TTLL11: variants seen among roughly 807,000 people sequenced by gnomAD.
TTLL11 encodes the protein tubulin polyglutamylase TTLL11.
A neutral mutation model predicts 51.7 loss-of-function variants in TTLL11; 42 were observed. The observed-to-expected ratio is 0.81, with a 90% CI of 0.64 to 1.05. TTLL11 has a LOEUF of 1.05. TTLL11 is among the 50% of genes least tolerant of loss of function. The pLI is 0.00. For synonymous variants in TTLL11, 381 were observed against 383.5 expected, an observed-to-expected ratio of 0.99 and a Z score of 0.08; for missense variants, 799 against 940.4, an observed-to-expected ratio of 0.85 and a Z score of 1.97.
intron 6 of TTLL11, among the ~76,000 whole-genome samples, chr9:121,947,424 G>A (rs1339237600): frequency 1.3e-5 from 2 of 152,184 alleles, no homozygotes; most frequent in African/African-American, 4.8e-5. Context: ...ACTCCAAATA[G>A]TTAAAATTGA....
At chr9:122,048,506 C>G (rs1159804951) in intron 1 of TTLL11, among the ~76,000 whole-genome samples, 1 of 152,102 alleles carries the variant, frequency 6.6e-6, no homozygotes, top group East Asian at 1.9e-4. Flanking sequence ...CCATATTGCT[C>G]CTTTGCTACA....
intron 6 of TTLL11, among the ~76,000 whole-genome samples, chr9:121,910,150 G>A (rs1222743305): frequency 6.6e-6 from 1 of 152,194 alleles, no homozygotes; most frequent in Non-Finnish European, 1.5e-5. Context: ...ACCAGAGCTA[G>A]AGCTGTGGTC....
At chr9:122,002,208 TG>T (rs1427425796) in intron 3 of TTLL11, among the ~76,000 whole-genome samples, 1 of 152,232 alleles carries the variant, frequency 6.6e-6, no homozygotes, top group African/African-American at 2.4e-5. Context: ...TCACTTCACC[TG>T]GGTGTTCATT....
At chr9:121,849,915 A>G (rs1837619560) in intron 8 of TTLL11, among the ~76,000 whole-genome samples, 1 of 152,230 alleles carries the variant, frequency 6.6e-6, no homozygotes, top group Non-Finnish European at 1.5e-5. Flanking sequence ...TTCCTTATAT[A>G]AAATGGTGTA....
intron 8 of TTLL11, among the ~76,000 whole-genome samples, chr9:121,826,322 ATATATGGGTT>A (rs1390991862): frequency 7.1e-5 from 5 of 70,440 alleles, no homozygotes; most frequent in East Asian, 8.0e-4. Context: ...GTTTATATAT[ATATATGGGTT>A]TATATATATG....
chr9:121,966,517 G>C (rs1842403306), intron 6 of TTLL11, among the ~76,000 whole-genome samples: 1 of 152,250 alleles, frequency 6.6e-6, no homozygotes, highest in Non-Finnish European at 1.5e-5. Context: ...CAAGCATCTT[G>C]CTTTAAAAAT....
chr9:122,093,197 C>T lies in TTLL11; in HGVS notation c.-49G>A, dbSNP rs1393187583. 1.3e-6 allele frequency: 2 copies of T among 1,488,340 alleles called. No individual in the cohort carries two copies. Among genetic ancestry groups the T allele is most frequent in the Admixed American group, 2.3e-5 (1 of 43,934 alleles). 92.2% of individuals were successfully genotyped at this position (1,488,340 alleles called of 1,614,324 possible). On this transcript the variant is annotated 5_prime_UTR_variant, in exon 1 of 9. Coordinates refer to ENST00000321582, the MANE Select transcript of TTLL11 (RefSeq NM_001139442.2). The stretch of plus-strand genomic sequence containing the variant: ...CCAGTGCCACCGCCGCCGCCGCCGC[C>T]GCTCCGCCGCCCCAGTCCGCCACCA...
chr9:121,856,571 A>G (rs1837826025), intron 8 of TTLL11, among the ~76,000 whole-genome samples: 1 of 104,308 alleles, frequency 9.6e-6, no homozygotes, highest in Non-Finnish European at 2.3e-5. Flanking sequence ...AGAGGCTAGG[A>G]TCTGTACCTA....
chr9:122,006,453 G>A (rs181112463), intron 3 of TTLL11, among the ~76,000 whole-genome samples: 30 of 150,854 alleles, frequency 2.0e-4, no homozygotes, highest in African/African-American at 6.6e-4. Flanking sequence ...ATGATATTGC[G>A]GACCATGGTA....
intron 6 of TTLL11, among the ~76,000 whole-genome samples, chr9:121,902,678 A>G (rs1280230977): frequency 6.6e-6 from 1 of 151,988 alleles, no homozygotes; most frequent in African/African-American, 2.4e-5. Context: ...TGAGTAAGTC[A>G]TCAGCAAGCC....
intron 6 of TTLL11, among the ~76,000 whole-genome samples, chr9:121,873,714 A>G (rs555284921): frequency 6.3e-4 from 96 of 151,790 alleles, no homozygotes; most frequent in Non-Finnish European, 1.3e-3. Flanking sequence ...GCTGGAGTGC[A>G]GTGGTACAAC....
At chr9:122,052,316 G>C (rs1845183380) in intron 1 of TTLL11, among the ~76,000 whole-genome samples, 1 of 152,236 alleles carries the variant, frequency 6.6e-6, no homozygotes, top group South Asian at 2.1e-4. Flanking sequence ...GGAAAATGGA[G>C]CTGGTGAGAA....
At chr9:122,062,348 A>G (rs1390264935) in intron 1 of TTLL11, among the ~76,000 whole-genome samples, 1 of 151,330 alleles carries the variant, frequency 6.6e-6, no homozygotes, top group African/African-American at 2.4e-5. Context: ...CTTCTATTTG[A>G]TCTGATAGAT....
At position 122,039,382 on chromosome 9, in the gene TTLL11, A is replaced by G. The variant is rs374555402; in HGVS notation, c.463-14T>C. The G allele has an allele frequency of 1.9e-4, 312 of 1,605,950 alleles. 1 individual carries two copies. Among genetic ancestry groups the G allele is most frequent in the Non-Finnish European group, 2.6e-4 (301 of 1,173,002 alleles). On this transcript the variant is annotated splice_polypyrimidine_tract_variant and intron_variant, in intron 1 of 8. Coordinates refer to ENST00000321582, the MANE Select transcript of TTLL11 (RefSeq NM_001139442.2). ...GCCAAATGGGAACTAGAAGAGAAAA[A>G]ATGTGACTCGCAATAAGAATAAGAA...
At position 121,989,458 on chromosome 9, in the gene TTLL11, G is replaced by C. The variant is rs747041960; in HGVS notation, c.1006C>G (p.His336Asp). 1.3e-5 allele frequency: 21 copies of C among 1,614,078 alleles called. No individual in the cohort carries two copies. Among genetic ancestry groups the C allele is most frequent in the Non-Finnish European group, 1.6e-5 (19 of 1,180,050 alleles). The change falls in exon 4 of 9, where the codon CAC becomes GAC. Residue 336 changes from histidine to aspartate, a missense_variant. His to Asp is a moderately conservative substitution (Grantham distance 81, BLOSUM62 -1). Transcript: ENST00000321582. This position sits in a 1 kb window ranked among gnomAD's most constrained non-coding sequence, Gnocchi z 4.2. ...PYQEPTPKNL[H>D]RIFMHLTNYS... ...TTGGTTAAGTGCATAAAGATGCGGT[G>C]CAGGTTTTTGGGGGTGGGCTCCTGA...
At chr9:121,899,365 G>GTGTATATATA (rs1226221957) in intron 6 of TTLL11, among the ~76,000 whole-genome samples, 3 of 113,242 alleles carry the variant, frequency 2.6e-5, no homozygotes, top group Non-Finnish European at 3.6e-5. Context: ...ATGTGTGTGT[G>GTGTATATATA]TATATATATA....
intron 1 of TTLL11, among the ~76,000 whole-genome samples, chr9:122,049,464 A>G (rs1182228742): frequency 6.6e-6 from 1 of 152,146 alleles, no homozygotes; most frequent in Admixed American, 6.5e-5. Flanking sequence ...CTTAAGCACT[A>G]CAGATGTCTT....
intron 6 of TTLL11, among the ~76,000 whole-genome samples, chr9:121,907,983 C>T (rs1839998902): frequency 6.6e-6 from 1 of 152,176 alleles, no homozygotes; most frequent in South Asian, 2.1e-4. Flanking sequence ...CTTAGCCTTT[C>T]TGGGGCTCAG....
At chr9:121,960,930 T>C (rs1842200259) in intron 6 of TTLL11, among the ~76,000 whole-genome samples, 1 of 151,958 alleles carries the variant, frequency 6.6e-6, no homozygotes, top group African/African-American at 2.4e-5. Context: ...CTCTCCCACC[T>C]CTCTCATTAG....
Sources: gnomAD v4.1 joint callset for allele counts (sites outside exome capture counted in the v4.1 genomes callset) on GRCh38, gnomAD v4.1.1 for gene constraint, Gnocchi (gnomAD v3.1) non-coding constraint, MANE v1.5 for transcripts, NCBI Gene and HGNC (gene_info 2026-07-23, HGNC 2026-07-21) for gene names.